SLC11A2: variants seen among roughly 807,000 people sequenced by gnomAD.
SLC11A2 encodes the protein solute carrier family 11 member 2.
SLC11A2 carries 38 observed loss-of-function variants against 68.0 expected under a neutral mutation model. The observed-to-expected ratio is 0.56, with a 90% CI of 0.43 to 0.73. The LOEUF (loss-of-function observed/expected upper bound fraction) is 0.73, where lower values mean the gene tolerates loss of function less well. Ranked by LOEUF, SLC11A2 falls within the 30% of genes least tolerant of loss-of-function variation. The pLI is 0.00. For missense variants in SLC11A2, 517 were observed against 690.5 expected (o/e 0.75, Z 2.82); for synonymous variants, 242 against 250.6 (o/e 0.97, Z 0.32).
rs1271431317 is a variant in SLC11A2 at position 51,000,651 on chromosome 12, G to A, written c.430-232C>T. 4 of 590,180 alleles carry A rather than the reference G, an allele frequency of 6.8e-6. No homozygotes were observed. The South Asian group carries it at 8.4e-5, about 12-fold the overall frequency. 36.6% of individuals were successfully genotyped at this position (590,180 alleles called of 1,614,324 possible). On this transcript the variant is annotated intron_variant, in intron 5 of 15. Coordinates refer to ENST00000262052, the MANE Select transcript of SLC11A2 (RefSeq NM_000617.3). ...GGCAGAACCTGTGAACGAAGGTCAA[G>A]GCAGTAATTGATCTTACTTTTTTCT... is the stretch of plus-strand genomic sequence containing the variant.
Position 51,008,457 on chromosome 12 carries a change from C to T in SLC11A2, c.183+19G>A. 6.2e-7 allele frequency: 1 copy of T among 1,609,088 alleles called. No homozygotes were observed. The highest frequency in any genetic ancestry group is 8.5e-7 in the Non-Finnish European group (1 of 1,175,804). ...TTTCCCCAGACAATAGTGTTCTCCTCCAAGGACCTGATACTAACCTCCTCC... is the reference window on the plus strand; with the variant it reads ...TTTCCCCAGACAATAGTGTTCTCCTTCAAGGACCTGATACTAACCTCCTCC... On this transcript the variant is annotated intron_variant, in intron 3 of 15. Transcript: ENST00000262052.
intron 1 of SLC11A2, among the ~76,000 whole-genome samples, chr12:51,024,143 G>A (rs1393745403): frequency 6.6e-6 from 1 of 152,130 alleles, no homozygotes; most frequent in African/African-American, 2.4e-5. Flanking sequence ...TTTCTGACTA[G>A]TTCCTAATAA....
At chr12:51,008,864 C>T (rs1404225068) in intron 2 of SLC11A2, among the ~76,000 whole-genome samples, 1 of 151,904 alleles carries the variant, frequency 6.6e-6, no homozygotes, top group Non-Finnish European at 1.5e-5. Flanking sequence ...AGTTATCTCC[C>T]TCCCCCTCCC....
At chr12:50,991,853 G>T (rs1486679031) in intron 13 of SLC11A2, among the ~76,000 whole-genome samples, 181 bp from the exon 14 acceptor site, 1 of 152,140 alleles carries the variant, frequency 6.6e-6, no homozygotes, top group Non-Finnish European at 1.5e-5. Flanking sequence ...CATTAACCTA[G>T]CATACAAACC....
At chr12:51,017,560 T>C (rs1943747360) in intron 1 of SLC11A2, among the ~76,000 whole-genome samples, 1 of 152,192 alleles carries the variant, frequency 6.6e-6, no homozygotes, top group Non-Finnish European at 1.5e-5. Flanking sequence ...ATATACACTG[T>C]ATACCTTTTG....
chr12:51,005,275 G>T lies in SLC11A2; in HGVS notation c.309+36C>A, dbSNP rs17216079. 2.5e-6 allele frequency: 4 copies of T among 1,610,602 alleles called. No individual in the cohort carries two copies. The South Asian group carries it at 4.4e-5, about 18-fold the overall frequency. On this transcript the variant is annotated intron_variant, in intron 4 of 15. Transcript: ENST00000262052. Reference sequence around the variant, plus strand: ...AGAAAAGGATGTGAGAGTGTATTATGTGCTTAAAAGGACAGGGGTAGGACT... The same window carrying T: ...AGAAAAGGATGTGAGAGTGTATTATTTGCTTAAAAGGACAGGGGTAGGACT...
At chr12:50,981,862 C>A, downstream of SLC11A2, 1 of 955,042 alleles carries the variant, frequency 1.0e-6, no homozygotes, top group Non-Finnish European at 1.5e-6. Flanking sequence ...TTGAAATCAG[C>A]TTTTAAGTAC....
At chr12:51,005,716 A>G in intron 3 of SLC11A2, 1 of 1,301,756 alleles carries the variant, frequency 7.7e-7, no homozygotes, top group Non-Finnish European at 1.0e-6. Context: ...TCTGTGCCCA[A>G]ACACTTCCCA....
In SLC11A2 at chr12:50,990,845, C is replaced by G; in HGVS notation, c.1525G>C (p.Val509Leu). ...VRDLGHVALYVVAAVVSVAYL... is the reference protein window; with the variant it reads ...VRDLGHVALYLVAAVVSVAYL... ...GCCACGCTGACCACAGCAGCCACCACATATAATGCCACATGCCCTAGGTCC... is the reference window on the plus strand; with the variant it reads ...GCCACGCTGACCACAGCAGCCACCAGATATAATGCCACATGCCCTAGGTCC... Residue 509 changes from valine (V) to leucine (L), a missense_variant, in exon 15 of 16, where the codon GTG becomes CTG. Transcript: ENST00000262052. The G allele has an allele frequency of 6.2e-7, 1 of 1,614,174 alleles. No individual in the cohort carries two copies. Among genetic ancestry groups the G allele is most frequent in the Non-Finnish European group, 8.5e-7 (1 of 1,180,010 alleles).
downstream of SLC11A2, among the ~76,000 whole-genome samples, chr12:50,976,679 T>G (rs1299609510): frequency 6.6e-6 from 1 of 152,200 alleles, no homozygotes; most frequent in Non-Finnish European, 1.5e-5. Context: ...ATAAAGGGTA[T>G]TCAGTTAGGA....
At chr12:50,974,903 A>G, downstream of SLC11A2, among the ~76,000 whole-genome samples, 1 of 152,252 alleles carries the variant, frequency 6.6e-6, no homozygotes, top group Non-Finnish European at 1.5e-5. Context: ...AGGCCATTAC[A>G]TAATGGTAAA....
chr12:50,983,562 G>A (rs143172096), downstream of SLC11A2, among the ~76,000 whole-genome samples: 42 of 152,200 alleles, frequency 2.8e-4, no homozygotes, highest in African/African-American at 1.0e-3. Flanking sequence ...GTACAGCCAG[G>A]CACAGTGGCT....
chr12:50,977,261 G>T (rs1236837195), downstream of SLC11A2, among the ~76,000 whole-genome samples: 8 of 152,316 alleles, frequency 5.3e-5, no homozygotes, highest in South Asian at 8.3e-4. Flanking sequence ...CCAGGCTACA[G>T]TAACCAAAAC....
At chr12:50,977,301 T>A (rs187639498), downstream of SLC11A2, among the ~76,000 whole-genome samples, 768 of 152,204 alleles carry the variant, frequency 5.0e-3, 7 homozygotes, top group African/African-American at 0.018. Context: ...AACAGAGATA[T>A]AGACCAATGG....
chr12:50,995,743 G>A lies in SLC11A2; in HGVS notation c.876C>T (p.Ala292=), dbSNP rs372150070. 5 of 1,613,900 alleles carry A rather than the reference G, an allele frequency of 3.1e-6. No homozygotes were observed. Among genetic ancestry groups the A allele is most frequent in the African/African-American group, 2.7e-5 (2 of 74,918 alleles). The stretch of plus-strand genomic sequence containing the variant: ...AGGATTCAATGAAAAAGTACTTATT[G>A]GCTTCTCGAACTTCCTGCTTATTGT... ...NRNNKQEVRE[A]NKYFFIESCI... The change falls in exon 10 of 16, where the codon GCC becomes GCT. Residue 292 remains alanine (A), a synonymous_variant. Coordinates refer to ENST00000262052, the MANE Select transcript of SLC11A2 (RefSeq NM_000617.3).
At chr12:50,960,993 G>A in the SLC11A2 span, 5 of 1,601,440 alleles carry the variant, frequency 3.1e-6, no homozygotes, top group Admixed American at 3.5e-5. Flanking sequence ...TGACTGTGGT[G>A]TCCTGTGGTC....
At chr12:51,019,782 G>A (rs1465231884) in intron 1 of SLC11A2, among the ~76,000 whole-genome samples, 1 of 149,686 alleles carries the variant, frequency 6.7e-6, no homozygotes, top group African/African-American at 2.5e-5. Flanking sequence ...CAAGTAGCTG[G>A]GACTAGAGGC....
chr12:50,979,575 T>C, downstream of SLC11A2: 1 of 283,792 alleles, frequency 3.5e-6, no homozygotes, highest in Non-Finnish European at 7.0e-6. Context: ...CTTAAGAGTC[T>C]CTTTTTCAAG....
chr12:50,986,306 C>A lies in SLC11A2; in HGVS notation c.*2019G>T. On this transcript the variant is annotated 3_prime_UTR_variant, in exon 16 of 16. Coordinates refer to ENST00000262052, the MANE Select transcript of SLC11A2 (RefSeq NM_000617.3). ...AATTTCTACATATTATTTATTGCAC[C>A]CAGAGTACTGGTTAAAATGCACTTT... 2 of 1,286,330 alleles carry A rather than the reference C, an allele frequency of 1.6e-6. No homozygotes were observed. Among genetic ancestry groups the A allele is most frequent in the Non-Finnish European group, 2.0e-6 (2 of 988,016 alleles). 79.7% of individuals were successfully genotyped at this position (1,286,330 alleles called of 1,614,324 possible).
Sources: gnomAD v4.1 joint callset for allele counts (sites outside exome capture counted in the v4.1 genomes callset) on GRCh38, gnomAD v4.1.1 for gene constraint, MANE v1.5 for transcripts, NCBI Gene and HGNC (gene_info 2026-07-23, HGNC 2026-07-21) for gene names.